The following PTPRK variants were observed in gnomAD, a reference collection of about 807,000 sequenced individuals.
PTPRK encodes protein tyrosine phosphatase receptor type K, also known as receptor-type tyrosine-protein phosphatase kappa.
PTPRK carries 75 observed loss-of-function variants against 178.0 expected under a neutral mutation model. The ratio of observed to expected loss-of-function variants is 0.42; its 90% CI spans 0.35 to 0.51. The LOEUF is 0.51. PTPRK is among the 20% of genes least tolerant of loss of function. PTPRK has a pLI of 0.02. For synonymous variants in PTPRK, 637 were observed against 620.6 expected (o/e 1.03, Z -0.39); for missense variants, 1,441 against 1,797.8 (o/e 0.80, Z 3.59).
intron 1 of PTPRK, chr6:128,409,414 T>C: frequency 2.4e-6 from 1 of 413,450 alleles, no homozygotes. Context: ...CTGCTTTATC[T>C]GGAAGGGATG....
intron 15 of PTPRK, chr6:128,000,130 C>A (rs549432530): frequency 3.0e-6 from 3 of 984,980 alleles, no homozygotes; most frequent in South Asian, 3.8e-5. Flanking sequence ...AGCATTATAC[C>A]GTCATACTCA....
At chr6:128,248,468 G>GA (rs1276002368) in intron 3 of PTPRK, among the ~76,000 whole-genome samples, 3 of 151,858 alleles carry the variant, frequency 2.0e-5, no homozygotes, top group African/African-American at 7.3e-5. Flanking sequence ...AGAGGGAAAT[G>GA]AAAAAAATAT....
intron 11 of PTPRK, among the ~76,000 whole-genome samples, chr6:128,075,677 G>A (rs1270514922): frequency 6.6e-6 from 1 of 152,050 alleles, no homozygotes; most frequent in African/African-American, 2.4e-5. Flanking sequence ...CATATAGAAT[G>A]TTATTGAGTC....
At chr6:128,058,247 T>C (rs1780231219) in intron 13 of PTPRK, among the ~76,000 whole-genome samples, 1 of 152,316 alleles carries the variant, frequency 6.6e-6, no homozygotes, top group South Asian at 2.1e-4. Flanking sequence ...TTTTCCAAAG[T>C]GGTTGTGCAA....
chr6:128,384,980 G>T (rs995836877), intron 2 of PTPRK, among the ~76,000 whole-genome samples: 5 of 150,730 alleles, frequency 3.3e-5, no homozygotes, highest in African/African-American at 1.2e-4. Flanking sequence ...TGGTTTTGAT[G>T]ATTAAAAACA....
chr6:128,419,472 G>A (rs1413549682), intron 1 of PTPRK, among the ~76,000 whole-genome samples: 3 of 152,076 alleles, frequency 2.0e-5, no homozygotes, highest in Admixed American at 6.5e-5. Flanking sequence ...AAAATTAGCC[G>A]GGCATGGTGG....
At chr6:128,390,733 T>C (rs1839430581) in intron 2 of PTPRK, among the ~76,000 whole-genome samples, 1 of 152,068 alleles carries the variant, frequency 6.6e-6, no homozygotes, top group South Asian at 2.1e-4. Context: ...TTGTCTCTGG[T>C]AGATATGCTG....
chr6:128,370,056 A>G (rs1172709874), intron 2 of PTPRK, among the ~76,000 whole-genome samples: 2 of 152,180 alleles, frequency 1.3e-5, no homozygotes, highest in East Asian at 3.8e-4. Flanking sequence ...ATGAGCAAGA[A>G]ATGAAAGCTG....
intron 3 of PTPRK, among the ~76,000 whole-genome samples, chr6:128,296,555 G>T (rs1489845944): frequency 6.6e-6 from 1 of 152,324 alleles, no homozygotes; most frequent in Non-Finnish European, 1.5e-5. Context: ...CCAGAAGAGA[G>T]TGGGGGCCAA....
chr6:128,400,020 A>AT (rs1840815787), intron 1 of PTPRK, among the ~76,000 whole-genome samples: 1 of 152,168 alleles, frequency 6.6e-6, no homozygotes. Flanking sequence ...ACTTTTACAA[A>AT]TTTTTTTGTA....
intron 1 of PTPRK, among the ~76,000 whole-genome samples, chr6:128,511,380 G>A (rs1243228910): frequency 6.6e-6 from 1 of 152,190 alleles, no homozygotes; most frequent in Non-Finnish European, 1.5e-5. Context: ...CCCTCAGTCA[G>A]AGCCTTAGAT....
At chr6:128,503,568 T>C (rs1176986433) in intron 1 of PTPRK, among the ~76,000 whole-genome samples, 1 of 152,232 alleles carries the variant, frequency 6.6e-6, no homozygotes, top group East Asian at 1.9e-4. Context: ...AGAATGAACA[T>C]GCATTTACTA....
chr6:128,421,785 AGC>A (rs1843513820), intron 1 of PTPRK, among the ~76,000 whole-genome samples: 1 of 152,250 alleles, frequency 6.6e-6, no homozygotes, highest in Non-Finnish European at 1.5e-5. Context: ...TATTTCTTCA[AGC>A]TCCGCAATCA....
At chr6:128,164,147 T>C (rs1016662655) in intron 7 of PTPRK, among the ~76,000 whole-genome samples, 3 of 151,452 alleles carry the variant, frequency 2.0e-5, no homozygotes, top group Non-Finnish European at 4.4e-5. Context: ...AAACAGAAAC[T>C]ATTACATAGC....
intron 1 of PTPRK, among the ~76,000 whole-genome samples, chr6:128,402,934 C>T (rs537747079): frequency 6.6e-6 from 1 of 152,240 alleles, no homozygotes; most frequent in Admixed American, 6.5e-5. Context: ...CTGAAAGTAT[C>T]CTTTGCCCTG....
At position 128,519,833 on chromosome 6, in the gene PTPRK, T is replaced by A. The variant is rs2128448104; in HGVS notation, c.100+426A>T. On this transcript the variant is annotated intron_variant, in intron 1 of 29. Transcript: ENST00000368226. The surrounding 1 kb of genome is among the most constrained non-coding windows in gnomAD (Gnocchi z 4.3). ...GCAAAGCGCGCCGAGGTCAGTCCCT[T>A]CGAATCTCCACATTTCTGACAATGG... Among the ~76,000 whole-genome samples the A allele has an allele frequency of 6.6e-6, 1 of 152,260 alleles. No individual in the cohort carries two copies. Among genetic ancestry groups the A allele is most frequent in the South Asian group, 2.1e-4 (1 of 4,828 alleles).
intron 7 of PTPRK, among the ~76,000 whole-genome samples, chr6:128,119,214 A>T (rs1188201104): frequency 6.6e-6 from 1 of 152,104 alleles, no homozygotes; most frequent in Non-Finnish European, 1.5e-5. Context: ...AAGTTAAAAA[A>T]ACTTAAACAT....
At position 128,067,796 on chromosome 6, in the gene PTPRK, TGGGG is replaced by T; in HGVS notation, c.1884-8_1884-5del. 1.3e-6 allele frequency: 2 copies of T among 1,571,262 alleles called. No homozygotes were observed. The highest frequency in any genetic ancestry group is 3.7e-5 in the Admixed American group (2 of 53,578). On this transcript the variant is annotated splice_polypyrimidine_tract_variant and splice_region_variant and intron_variant, in intron 11 of 29. Transcript: ENST00000368226. ...TTCCACAACAATCTGATAAGCACTT[TGGGG>T]AAAAGAAAAAAAGAACACACATATA... is the stretch of plus-strand genomic sequence containing the variant.
chr6:128,346,618 T>C (rs1832468972), intron 2 of PTPRK, among the ~76,000 whole-genome samples: 2 of 152,120 alleles, frequency 1.3e-5, no homozygotes, highest in South Asian at 4.1e-4. Context: ...AGATAAAACA[T>C]TTATACAGCC....
Sources: gnomAD v4.1 joint callset for allele counts (sites outside exome capture counted in the v4.1 genomes callset) on GRCh38, gnomAD v4.1.1 for gene constraint, Gnocchi (gnomAD v3.1) non-coding constraint, MANE v1.5 for transcripts, NCBI Gene and HGNC (gene_info 2026-07-23, HGNC 2026-07-21) for gene names.